Variants in SMAD9 observed in about 807,000 individuals in gnomAD.
SMAD9 encodes the protein SMAD family member 9.
A neutral mutation model predicts 46.1 loss-of-function variants in SMAD9; 36 were observed. That is an observed-to-expected ratio of 0.78 (90% CI 0.60 to 1.03). The LOEUF is 1.03. Among genes scored for constraint, SMAD9 ranks in the 50% least tolerant of loss-of-function variants. The pLI is 0.00. For synonymous variants in SMAD9, 245 were observed against 237.1 expected (o/e 1.03, Z -0.31); for missense variants, 572 against 599.8 (o/e 0.95, Z 0.48).
intron 2 of SMAD9, among the ~76,000 whole-genome samples, chr13:36,874,943 TAGAG>T (rs2058332681): frequency 6.6e-6 from 1 of 150,746 alleles, no homozygotes; most frequent in South Asian, 2.1e-4. Context: ...TCTTTTATGG[TAGAG>T]AGTCAATGAC....
chr13:36,870,864 A>G (rs1048170136), intron 3 of SMAD9, among the ~76,000 whole-genome samples: 6 of 152,228 alleles, frequency 3.9e-5, no homozygotes, highest in African/African-American at 1.4e-4. Context: ...AGTGACCTCA[A>G]CAGTAGATCT....
At position 36,853,657 on chromosome 13, in the gene SMAD9, A is replaced by G. The variant is rs528762727; in HGVS notation, c.1022T>C (p.Val341Ala). Residue 341 changes from valine to alanine, a missense_variant, in exon 6 of 7, where the codon GTC becomes GCC. Coordinates refer to ENST00000379826, the MANE Select transcript of SMAD9 (RefSeq NM_001127217.3). ...HIGKGVHLYY[V>A]GGEVYAECVS... ...GCACTCGGCATACACCTCTCCCCCG[A>G]CGTAGTACAAGTGCACACCTGCAGA... 1.9e-6 allele frequency: 3 copies of G among 1,614,046 alleles called. No homozygotes were observed. The highest frequency in any genetic ancestry group is 4.5e-5 in the East Asian group (2 of 44,862).
Position 36,865,495 on chromosome 13 carries a change from A to C in SMAD9, c.1003+42T>G, listed in dbSNP as rs775087497. The C allele has an allele frequency of 4.6e-6, 7 of 1,522,812 alleles. No homozygotes were observed. The South Asian group carries it at 6.8e-5, about 15-fold the overall frequency. The allele number at this position is 1,522,812 out of a possible 1,614,324, so 94.3% of individuals were successfully genotyped here. On this transcript the variant is annotated intron_variant, in intron 5 of 6. Coordinates refer to ENST00000379826, the MANE Select transcript of SMAD9 (RefSeq NM_001127217.3). ...CACTTCTACACACATGACCATCTAC[A>C]TTTCGGCTAGATGACTAAAGGAATA... is the stretch of plus-strand genomic sequence containing the variant.
intron 1 of SMAD9, among the ~76,000 whole-genome samples, chr13:36,900,684 T>TACACAC (rs58756918): frequency 0.078 from 11,103 of 142,720 alleles, 477 homozygotes; most frequent in South Asian, 0.11. Flanking sequence ...TCATTATGAC[T>TACACAC]ACACACACAC....
intron 1 of SMAD9, among the ~76,000 whole-genome samples, chr13:36,902,454 T>C (rs1261864079): frequency 1.3e-5 from 2 of 151,994 alleles, no homozygotes; most frequent in Non-Finnish European, 2.9e-5. Context: ...TTCAACTTTG[T>C]TCTTCTTTTT....
At chr13:36,919,839 C>CCACCCCAT (rs1250348269) in intron 1 of SMAD9, among the ~76,000 whole-genome samples, 1 of 145,592 alleles carries the variant, frequency 6.9e-6, no homozygotes, top group Non-Finnish European at 1.5e-5. Context: ...CCCCACCCCA[C>CCACCCCAT]TCCACCCCAG....
At chr13:36,865,786 T>A (rs780288048) in intron 4 of SMAD9, 28 bp from the exon 5 acceptor site, 1 of 1,558,046 alleles carries the variant, frequency 6.4e-7, no homozygotes, top group Non-Finnish European at 8.8e-7. Context: ...AGAGAACACA[T>A]GGCTACTGTC....
intron 2 of SMAD9, among the ~76,000 whole-genome samples, chr13:36,877,547 T>C (rs1423101774): frequency 6.6e-6 from 1 of 152,240 alleles, no homozygotes; most frequent in Non-Finnish European, 1.5e-5. Context: ...TTTTGGATGC[T>C]TAATGTAATT....
At chr13:36,852,767 A>G (rs995925473) in intron 6 of SMAD9, among the ~76,000 whole-genome samples, 1 of 152,222 alleles carries the variant, frequency 6.6e-6, no homozygotes, top group Non-Finnish European at 1.5e-5. Flanking sequence ...AAATTCACCA[A>G]CATTCACTGA....
At chr13:36,909,525 C>T (rs1462527894) in intron 1 of SMAD9, among the ~76,000 whole-genome samples, 3 of 152,138 alleles carry the variant, frequency 2.0e-5, no homozygotes, top group Non-Finnish European at 4.4e-5. Flanking sequence ...TCAGCATATT[C>T]TTGGAAACAC....
chr13:36,879,884 CACG>C lies in SMAD9; in HGVS notation c.-186-12_-186-10del, dbSNP rs1323026109. 2 of 605,406 alleles carry C rather than the reference CACG, an allele frequency of 3.3e-6. No homozygotes were observed. The highest frequency in any genetic ancestry group is 2.9e-5 in the Admixed American group (1 of 34,164). 37.5% of individuals were successfully genotyped at this position (605,406 alleles called of 1,614,324 possible). On this transcript the variant is annotated splice_polypyrimidine_tract_variant and intron_variant, in intron 1 of 6. Coordinates refer to ENST00000379826, the MANE Select transcript of SMAD9 (RefSeq NM_001127217.3). ...GAACAGGGTGGCCAACTCTGGAAAA[CACG>C]ACAAGACTTCAATTAGCTTAATCGG...
chr13:36,878,442 T>C (rs1054059506), intron 2 of SMAD9, among the ~76,000 whole-genome samples: 3 of 152,214 alleles, frequency 2.0e-5, no homozygotes, highest in Non-Finnish European at 2.9e-5. Flanking sequence ...CTACACCATA[T>C]AGCCTAACGG....
intron 1 of SMAD9, among the ~76,000 whole-genome samples, chr13:36,900,402 T>C (rs539496515): frequency 6.6e-6 from 1 of 152,176 alleles, no homozygotes; most frequent in East Asian, 1.9e-4. Flanking sequence ...TGCCTCAGCC[T>C]CCTGAGTAGC....
intron 1 of SMAD9, among the ~76,000 whole-genome samples, chr13:36,902,972 C>G (rs1194488500): frequency 6.6e-6 from 1 of 152,022 alleles, no homozygotes; most frequent in Non-Finnish European, 1.5e-5. Context: ...TCATCCACAG[C>G]TGAAATAAGC....
chr13:36,905,774 C>CAAAAAAAAAAAAAAAAAAAAAAAA (rs60358673), intron 1 of SMAD9, among the ~76,000 whole-genome samples: 1 of 66,452 alleles, frequency 1.5e-5, no homozygotes, highest in Non-Finnish European at 2.8e-5. Flanking sequence ...GACCCTGTCT[C>CAAAAAAAAAAAAAAAAAAAAAAAA]AAAAAAAAAA....
chr13:36,853,401 A>G lies in SMAD9; in HGVS notation c.1260+18T>C. On this transcript the variant is annotated intron_variant, in intron 6 of 6. Coordinates refer to ENST00000379826, the MANE Select transcript of SMAD9 (RefSeq NM_001127217.3). ...TTTTCACTGAACATTTTATAACGTGATAGCAAGCACTCCTTACCTTAACAA... is the reference window on the plus strand; with the variant it reads ...TTTTCACTGAACATTTTATAACGTGGTAGCAAGCACTCCTTACCTTAACAA... 6.2e-7 allele frequency: 1 copy of G among 1,613,192 alleles called. No individual in the cohort carries two copies. The highest frequency in any genetic ancestry group is 8.5e-7 in the Non-Finnish European group (1 of 1,179,862).
rs1373661787 is a variant in SMAD9 at position 36,877,461 on chromosome 13, G to A, written c.412+1817C>T. 1.3e-5 allele frequency among the ~76,000 whole-genome samples: 2 copies of A among 152,104 alleles called. 1 individual carries two copies. Among genetic ancestry groups the A allele is most frequent in the African/African-American group, 4.8e-5 (2 of 41,420 alleles). ...ACATTTTACAAGATATTTCTTACAA[G>A]TTGTTAAATTTTACAACTACATTAT... On this transcript the variant is annotated intron_variant, in intron 2 of 6. Transcript: ENST00000379826.
intron 5 of SMAD9, among the ~76,000 whole-genome samples, chr13:36,857,695 G>A (rs1283175248): frequency 6.6e-6 from 1 of 152,160 alleles, no homozygotes; most frequent in Non-Finnish European, 1.5e-5. Flanking sequence ...CCTACTAACA[G>A]AGGAAGAAGT....
At position 36,872,769 on chromosome 13, in the gene SMAD9, A is replaced by T; in HGVS notation, c.559T>A (p.Ser187Thr). 1 of 1,614,018 alleles carries T rather than the reference A, an allele frequency of 6.2e-7. No individual in the cohort carries two copies. Among genetic ancestry groups the T allele is most frequent in the African/African-American group, 1.3e-5 (1 of 74,994 alleles). ...YPDSFQQPPC[S>T]ALPPSPSHAF... ...TGGCTGGGTGAGGGAGGGAGTGCAG[A>T]GCACGGAGGCTGCTGGAAAGAGTCA... The change falls in exon 3 of 7, where the codon TCT (serine) becomes ACT (threonine). Residue 187 changes from serine to threonine, a missense_variant. By Grantham distance (58) the Ser-to-Thr change is moderately conservative. Transcript: ENST00000379826.
Sources: allele counts gnomAD v4.1 joint callset (sites outside exome capture counted in the v4.1 genomes callset), GRCh38; gene constraint gnomAD v4.1.1; transcripts MANE v1.5; gene names NCBI Gene and HGNC (gene_info 2026-07-23, HGNC 2026-07-21).